MBNL2: variants seen among roughly 807,000 people sequenced by gnomAD.
MBNL2 encodes muscleblind like splicing regulator 2.
A neutral mutation model predicts 41.9 loss-of-function variants in MBNL2; 17 were observed. That is an observed-to-expected ratio of 0.41 (90% confidence interval 0.28 to 0.61). The LOEUF (loss-of-function observed/expected upper bound fraction) is 0.61. MBNL2 is among the 20% of genes least tolerant of loss of function. The pLI is 0.35. For missense variants in MBNL2, 336 were observed against 505.6 expected, an observed-to-expected ratio of 0.66 and a Z score of 3.22; for synonymous variants, 195 against 182.9, an observed-to-expected ratio of 1.07 and a Z score of -0.53.
intron 1 of MBNL2, among the ~76,000 whole-genome samples, chr13:97,257,114 G>C (rs980257060): frequency 6.6e-6 from 1 of 151,618 alleles, no homozygotes; most frequent in Non-Finnish European, 1.5e-5. Flanking sequence ...GTAACCCTGT[G>C]ATAATCTGCA....
the MBNL2 span, among the ~76,000 whole-genome samples, chr13:97,175,421 G>T: frequency 1.3e-5 from 2 of 152,134 alleles, no homozygotes; most frequent in Non-Finnish European, 2.9e-5. Context: ...CCAGGAAAAC[G>T]GGTGCAAAGA....
the MBNL2 span, among the ~76,000 whole-genome samples, chr13:97,188,728 G>C: frequency 1.3e-5 from 2 of 151,700 alleles, no homozygotes; most frequent in Admixed American, 1.3e-4. Context: ...TTTAGGCAGA[G>C]GGCCAATACT....
chr13:97,348,136 A>G (rs915219267), intron 5 of MBNL2, among the ~76,000 whole-genome samples: 1 of 144,820 alleles, frequency 6.9e-6, no homozygotes, highest in African/African-American at 2.6e-5. Flanking sequence ...GTGCAGTGGA[A>G]TGATCATGGG....
At chr13:97,338,482 A>G (rs1478437165) in intron 3 of MBNL2, among the ~76,000 whole-genome samples, 1 of 152,132 alleles carries the variant, frequency 6.6e-6, no homozygotes. Flanking sequence ...ACCAATAAAT[A>G]TTTATTAAGG....
intron 2 of MBNL2, among the ~76,000 whole-genome samples, chr13:97,282,836 A>C (rs2053691432): frequency 6.6e-6 from 1 of 152,166 alleles, no homozygotes; most frequent in Non-Finnish European, 1.5e-5. Context: ...ATCCCATCTG[A>C]AAGATGGGAT....
chr13:97,355,697 A>C (rs891637585), intron 5 of MBNL2, among the ~76,000 whole-genome samples: 1 of 152,168 alleles, frequency 6.6e-6, no homozygotes, highest in Non-Finnish European at 1.5e-5. Flanking sequence ...TCAGTTGTTT[A>C]AATGAAACTG....
the MBNL2 span, among the ~76,000 whole-genome samples, chr13:97,152,085 T>A: frequency 1.3e-5 from 2 of 152,002 alleles, no homozygotes; most frequent in African/African-American, 4.8e-5. Context: ...GACAATGCAG[T>A]GAGAACACTT....
chr13:97,391,205 TG>T lies in MBNL2; in HGVS notation c.1049-116del, dbSNP rs2066378310. ...CAAATTTATAATTGCATCAAAATAA[TG>T]AGAGATTGAAGAAAACTCTGATTTT... On this transcript the variant is annotated intron_variant, in intron 8 of 8. Transcript: ENST00000679496. 3 of 626,288 alleles carry T rather than the reference TG, an allele frequency of 4.8e-6. No homozygotes were observed. In the East Asian group the frequency reaches 8.2e-5, roughly 17 times the overall value. 38.8% of individuals were successfully genotyped at this position (626,288 alleles called of 1,614,324 possible). A position where few individuals can be genotyped will look rare whatever the true frequency, so the allele number is the denominator to read the frequency against.
At chr13:97,148,552 G>A in the MBNL2 span, among the ~76,000 whole-genome samples, 1 of 152,266 alleles carries the variant, frequency 6.6e-6, no homozygotes, top group African/African-American at 2.4e-5. Flanking sequence ...GGCTATTCAT[G>A]AGCAGGGGCA....
intron 2 of MBNL2, among the ~76,000 whole-genome samples, chr13:97,327,048 A>G (rs957327301): frequency 6.6e-6 from 1 of 152,174 alleles, no homozygotes; most frequent in African/African-American, 2.4e-5. Context: ...TTTTGAAACT[A>G]TGGGGAAACT....
chr13:97,318,285 GGAA>G (rs1288936074), intron 2 of MBNL2, among the ~76,000 whole-genome samples: 1 of 152,204 alleles, frequency 6.6e-6, no homozygotes, highest in African/African-American at 2.4e-5. Context: ...ATGAATGTGT[GGAA>G]GAAGTATAGT....
the MBNL2 span, among the ~76,000 whole-genome samples, chr13:97,174,692 A>T: frequency 6.6e-6 from 1 of 152,070 alleles, no homozygotes; most frequent in African/African-American, 2.4e-5. Context: ...GAAGAAGCAG[A>T]CTCCTAGATC....
At chr13:97,144,120 G>A in the MBNL2 span, among the ~76,000 whole-genome samples, 3 of 152,154 alleles carry the variant, frequency 2.0e-5, no homozygotes, top group South Asian at 2.1e-4. Flanking sequence ...CTAGGATTAC[G>A]GGCATGAGCC....
chr13:97,241,015 T>C (rs1334452896), intron 1 of MBNL2, among the ~76,000 whole-genome samples: 1 of 152,178 alleles, frequency 6.6e-6, no homozygotes, highest in Non-Finnish European at 1.5e-5. Context: ...AATGAATGAA[T>C]GAATTTCCTC....
chr13:97,376,842 G>T (rs970144792), intron 8 of MBNL2, among the ~76,000 whole-genome samples: 2 of 152,164 alleles, frequency 1.3e-5, no homozygotes, highest in Non-Finnish European at 2.9e-5. Context: ...AAATTATGAT[G>T]CAAATTACAT....
chr13:97,359,472 A>G (rs1697214630), intron 7 of MBNL2, among the ~76,000 whole-genome samples: 1 of 152,230 alleles, frequency 6.6e-6, no homozygotes, highest in South Asian at 2.1e-4. Context: ...TTGTTAAATC[A>G]CTGAAAGAAT....
Position 97,276,552 on chromosome 13 carries a change from C to G in MBNL2, c.174+143C>G, listed in dbSNP as rs2052173181. On this transcript the variant is annotated intron_variant, in intron 2 of 8. Coordinates refer to ENST00000679496, the MANE Select transcript of MBNL2 (RefSeq NM_001382683.1). Reference sequence around the variant, plus strand: ...GTGGTGACTGTTGGGAGATTTTTCACTCAAATTTTTTCATATCAGGCATAT... The same window carrying G: ...GTGGTGACTGTTGGGAGATTTTTCAGTCAAATTTTTTCATATCAGGCATAT... 10 of 799,254 alleles carry G rather than the reference C, an allele frequency of 1.3e-5. No individual in the cohort carries two copies. In the East Asian group the frequency reaches 2.3e-4, roughly 19 times the overall value. 49.5% of individuals were successfully genotyped at this position (799,254 alleles called of 1,614,324 possible).
intron 7 of MBNL2, among the ~76,000 whole-genome samples, chr13:97,361,936 A>AT (rs1204538555): frequency 5.3e-5 from 8 of 150,956 alleles, no homozygotes; most frequent in South Asian, 2.1e-4. Context: ...CACCTGGCTA[A>AT]TTTTTTTTGT....
At chr13:97,166,581 G>A in the MBNL2 span, among the ~76,000 whole-genome samples, 2 of 152,080 alleles carry the variant, frequency 1.3e-5, no homozygotes, top group African/African-American at 4.8e-5. Flanking sequence ...TATAAAGCAG[G>A]CAGAAAAATG....
Sources: gnomAD v4.1 joint callset for allele counts (sites outside exome capture counted in the v4.1 genomes callset) on GRCh38, gnomAD v4.1.1 for gene constraint, MANE v1.5 for transcripts, NCBI Gene and HGNC (gene_info 2026-07-23, HGNC 2026-07-21) for gene names.